Variants in ZNF423 observed in about 807,000 individuals in gnomAD.
ZNF423 encodes the protein zinc finger protein 423, also known as Ebf-associated zinc finger protein.
A neutral mutation model predicts 95.8 loss-of-function variants in ZNF423; 12 were observed. That is an observed-to-expected ratio of 0.13 (90% CI 0.08 to 0.20). The LOEUF (loss-of-function observed/expected upper bound fraction) is 0.20. ZNF423 is among the 10% of genes least tolerant of loss of function. The pLI is 1.00. For synonymous variants in ZNF423, 749 were observed against 711.9 expected, an observed-to-expected ratio of 1.05 and a Z score of -0.83; for missense variants, 1,316 against 1,737.1, an observed-to-expected ratio of 0.76 and a Z score of 4.31.
At chr16:49,677,228 A>AAAGAGAAGAG (rs1296513369) in intron 3 of ZNF423, among the ~76,000 whole-genome samples, 5,700 of 57,200 alleles carry the variant, frequency 0.1, 2,764 homozygotes, top group Non-Finnish European at 0.12. Context: ...AGAAACAAGA[A>AAAGAGAAGAG]AAGAGAAGAG....
Position 49,638,230 on chromosome 16 carries a change from T to G in ZNF423, c.946A>C (p.Asn316His), listed in dbSNP as rs1390742302. 1.2e-6 allele frequency: 2 copies of G among 1,609,452 alleles called. No homozygotes were observed. Among genetic ancestry groups the G allele is most frequent in the Non-Finnish European group, 1.7e-6 (2 of 1,180,004 alleles). ...IHCPEVFVDE[N>H]TLLAHIHQAH... is the part of the protein sequence containing the mutation. Reference sequence around the variant, plus strand: ...TGGTGGATATGGGCGAGCAGTGTGTTCTCGTCGACGAAGACCTCAGGGCAG... The same window carrying G: ...TGGTGGATATGGGCGAGCAGTGTGTGCTCGTCGACGAAGACCTCAGGGCAG... Residue 316 changes from asparagine (N) to histidine (H), a missense_variant, in exon 4 of 8, where the codon AAC becomes CAC. Asn to His is a moderately conservative substitution (Grantham distance 68). This residue lies in a region of ZNF423 where 399 missense variants were observed against 478.5 expected (regional missense o/e 0.83). Coordinates refer to ENST00000563137, the MANE Select transcript of ZNF423 (RefSeq NM_001379286.1). The surrounding 1 kb of genome is among the most constrained non-coding windows in gnomAD (Gnocchi z 5.6).
intron 7 of ZNF423, among the ~76,000 whole-genome samples, chr16:49,511,145 T>C (rs1275126186): frequency 6.6e-6 from 1 of 152,132 alleles, no homozygotes; most frequent in African/African-American, 2.4e-5. Context: ...CAGACTTCTG[T>C]TTCAACACTA....
chr16:49,804,859 G>C (rs2034636920), intron 1 of ZNF423, among the ~76,000 whole-genome samples: 1 of 149,836 alleles, frequency 6.7e-6, no homozygotes, highest in Non-Finnish European at 1.5e-5. Flanking sequence ...CCAATACCCA[G>C]TGCCTGGCAA....
At chr16:49,689,372 C>T (rs2031691996) in intron 3 of ZNF423, among the ~76,000 whole-genome samples, 2 of 151,800 alleles carry the variant, frequency 1.3e-5, no homozygotes, top group South Asian at 4.2e-4. Context: ...TCAGGAGGAT[C>T]GCTTGAGGGG....
intron 3 of ZNF423, among the ~76,000 whole-genome samples, chr16:49,719,984 C>T (rs1278339764): frequency 6.6e-6 from 1 of 152,176 alleles, no homozygotes; most frequent in African/African-American, 2.4e-5. Flanking sequence ...GGTGGCTGCC[C>T]AGCCTCTCTC....
chr16:49,857,578 T>G (rs986557262), upstream of ZNF423, among the ~76,000 whole-genome samples: 3 of 152,172 alleles, frequency 2.0e-5, no homozygotes, highest in Non-Finnish European at 4.4e-5. This position sits in a 1 kb window ranked among gnomAD's most constrained non-coding sequence, Gnocchi z 6.2. Context: ...CTCTGCCAGG[T>G]TGGCTTTTGC....
chr16:49,530,708 T>C (rs1461363957), intron 5 of ZNF423, among the ~76,000 whole-genome samples: 1 of 152,170 alleles, frequency 6.6e-6, no homozygotes, highest in Non-Finnish European at 1.5e-5. Context: ...TAACGCTTTC[T>C]GGAACCCCAC....
At chr16:49,745,008 C>T (rs2143523433) in intron 2 of ZNF423, among the ~76,000 whole-genome samples, 1 of 152,342 alleles carries the variant, frequency 6.6e-6, no homozygotes, top group East Asian at 1.9e-4. Context: ...GCTCCACGAT[C>T]AGGCTTCTTT....
intron 3 of ZNF423, among the ~76,000 whole-genome samples, chr16:49,719,479 G>C (rs1246866743): frequency 2.0e-5 from 3 of 152,224 alleles, no homozygotes; most frequent in African/African-American, 4.8e-5. Context: ...TAACACTTGG[G>C]TGATATAGTC....
chr16:49,677,710 C>T (rs937144140), intron 3 of ZNF423, among the ~76,000 whole-genome samples: 3 of 148,090 alleles, frequency 2.0e-5, no homozygotes, highest in Admixed American at 6.8e-5. Flanking sequence ...GCCATGATCA[C>T]ACCACTGCCC....
chr16:49,595,996 A>G (rs1211219650), intron 5 of ZNF423, among the ~76,000 whole-genome samples: 2 of 152,200 alleles, frequency 1.3e-5, no homozygotes. Context: ...AATCTTAAAA[A>G]GGTGCCAAAT....
chr16:49,517,401 C>G (rs1249178476), intron 7 of ZNF423, among the ~76,000 whole-genome samples: 1 of 152,226 alleles, frequency 6.6e-6, no homozygotes. Flanking sequence ...TCGAAGACAA[C>G]TGTCCCTGCA....
chr16:49,830,614 G>A (rs956060670), intron 1 of ZNF423, among the ~76,000 whole-genome samples: 7 of 152,114 alleles, frequency 4.6e-5, no homozygotes. Context: ...CTAAAGACAG[G>A]CCTGTGTCAG....
chr16:49,789,969 C>G (rs561691645), intron 1 of ZNF423, among the ~76,000 whole-genome samples: 1 of 152,292 alleles, frequency 6.6e-6, no homozygotes, highest in East Asian at 1.9e-4. Flanking sequence ...CACTGCAACT[C>G]ATGAGCTGAC....
chr16:49,856,477 A>G (rs1468092981), upstream of ZNF423, among the ~76,000 whole-genome samples: 1 of 150,486 alleles, frequency 6.6e-6, no homozygotes, highest in South Asian at 2.1e-4. Flanking sequence ...CACAAAAAAA[A>G]ATAATAAATA....
At chr16:49,684,933 C>G (rs950706557) in intron 3 of ZNF423, among the ~76,000 whole-genome samples, 1 of 152,218 alleles carries the variant, frequency 6.6e-6, no homozygotes, top group Non-Finnish European at 1.5e-5. Context: ...ATCTAGACAG[C>G]GGGCGGAATC....
At chr16:49,841,001 A>T (rs2035177144) in intron 1 of ZNF423, among the ~76,000 whole-genome samples, 1 of 152,232 alleles carries the variant, frequency 6.6e-6, no homozygotes, top group African/African-American at 2.4e-5. Context: ...TGGTGTCTCT[A>T]AAAAGGGCAG....
At chr16:49,729,575 C>T (rs2033109005) in intron 3 of ZNF423, among the ~76,000 whole-genome samples, 1 of 151,712 alleles carries the variant, frequency 6.6e-6, no homozygotes, top group South Asian at 2.1e-4. Context: ...TCACAAATTC[C>T]AAATGACTGG....
At chr16:49,836,446 A>T (rs1405919799) in intron 1 of ZNF423, among the ~76,000 whole-genome samples, 1 of 152,020 alleles carries the variant, frequency 6.6e-6, no homozygotes, top group Non-Finnish European at 1.5e-5. Flanking sequence ...CAGAGTTTAC[A>T]GTCTGCCTCC....
Sources: gnomAD v4.1 joint callset for allele counts (sites outside exome capture counted in the v4.1 genomes callset) on GRCh38, gnomAD v4.1.1 for gene constraint, gnomAD v4.1.1 regional missense constraint, Gnocchi (gnomAD v3.1) non-coding constraint, MANE v1.5 for transcripts, NCBI Gene and HGNC (gene_info 2026-07-23, HGNC 2026-07-21) for gene names.